Variants in HMGA2 observed in about 807,000 individuals in gnomAD.
HMGA2 encodes the protein high mobility group protein HMGI-C.
HMGA2 carries 8 observed loss-of-function variants against 19.1 expected under a neutral mutation model. The ratio of observed to expected loss-of-function variants is 0.42; its 90% confidence interval spans 0.25 to 0.76. HMGA2 has a LOEUF of 0.76. Among genes scored for constraint, HMGA2 ranks in the 30% least tolerant of loss-of-function variants. The pLI is 0.28. For missense variants in HMGA2, 109 were observed against 136.3 expected (o/e 0.80, Z 1.00); for synonymous variants, 60 against 48.8 (o/e 1.23, Z -0.96).
At chr12:65,924,414 G>A (rs1592448710) in intron 3 of HMGA2, among the ~76,000 whole-genome samples, 1 of 151,870 alleles carries the variant, frequency 6.6e-6, no homozygotes, top group Non-Finnish European at 1.5e-5. Flanking sequence ...ATTGTCCTCT[G>A]CCTCTGTGTT....
chr12:65,842,971 G>T, intron 3 of HMGA2: 1 of 853,852 alleles, frequency 1.2e-6, no homozygotes, highest in South Asian at 5.7e-5. Flanking sequence ...TAGTGCTTCT[G>T]GAGGAAAAGA....
intron 3 of HMGA2, among the ~76,000 whole-genome samples, chr12:65,913,004 G>A (rs1874910034): frequency 6.6e-6 from 1 of 152,098 alleles, no homozygotes; most frequent in Non-Finnish European, 1.5e-5. Context: ...CTTCCATTCA[G>A]ATAAAAAATC....
chr12:65,915,200 A>G (rs899877680), intron 3 of HMGA2: 5 of 1,605,972 alleles, frequency 3.1e-6, no homozygotes, highest in Non-Finnish European at 3.4e-6. Flanking sequence ...CATTACATCT[A>G]TGAGCCTTAT....
chr12:65,879,856 T>C (rs1410610806), intron 3 of HMGA2, among the ~76,000 whole-genome samples: 3 of 152,202 alleles, frequency 2.0e-5, no homozygotes, highest in Admixed American at 2.0e-4. Flanking sequence ...GCATAACATA[T>C]CTCCACAGGG....
rs548913753 is a variant in HMGA2, at chr12:65,888,844, T to C, written c.249+50275T>C. The stretch of plus-strand genomic sequence containing the variant: ...TTCCAAAGTGCTGGGATTACAGGTG[T>C]GAGCCACGGCGCCCGGCCCCGTGGT... On this transcript the variant is annotated intron_variant, in intron 3 of 4. Transcript: ENST00000403681. Among the ~76,000 whole-genome samples the C allele has an allele frequency of 8.6e-4, 130 of 151,864 alleles. 1 individual carries two copies. The highest frequency in any genetic ancestry group is 1.5e-3 in the Non-Finnish European group (99 of 67,938).
intron 3 of HMGA2, among the ~76,000 whole-genome samples, chr12:65,923,987 G>T (rs955038175): frequency 2.6e-5 from 4 of 151,980 alleles, no homozygotes; most frequent in Non-Finnish European, 5.9e-5. Flanking sequence ...TCCAGCCTGG[G>T]CAACAAGAGC....
At chr12:65,907,040 G>T (rs1027339320) in intron 3 of HMGA2, among the ~76,000 whole-genome samples, 1 of 152,084 alleles carries the variant, frequency 6.6e-6, no homozygotes, top group Non-Finnish European at 1.5e-5. Context: ...GACTCCAAAG[G>T]TGTATGGGCA....
chr12:65,961,881 C>T (rs1198220566), intron 4 of HMGA2, among the ~76,000 whole-genome samples: 1 of 152,032 alleles, frequency 6.6e-6, no homozygotes, highest in Non-Finnish European at 1.5e-5. Flanking sequence ...CCCTTCACAG[C>T]TGAAGTGTTT....
At chr12:65,917,247 C>A (rs902731828) in intron 3 of HMGA2, among the ~76,000 whole-genome samples, 1 of 152,114 alleles carries the variant, frequency 6.6e-6, no homozygotes. Context: ...TCTGAGGAGT[C>A]CCAGGGCCTA....
At chr12:65,953,472 A>C (rs906413681) in intron 4 of HMGA2, 5 of 152,242 alleles carry the variant, frequency 3.3e-5, no homozygotes, top group African/African-American at 9.6e-5. Context: ...AATGGCATAT[A>C]GAAAGGTAGA....
intron 4 of HMGA2, chr12:65,952,342 T>C (rs1876486384): frequency 6.5e-7 from 1 of 1,530,180 alleles, no homozygotes; most frequent in African/African-American, 1.4e-5. Flanking sequence ...CTACCTTGCA[T>C]CCTGTTTTCT....
At chr12:65,875,325 G>C (rs932714820) in intron 3 of HMGA2, among the ~76,000 whole-genome samples, 2 of 152,168 alleles carry the variant, frequency 1.3e-5, no homozygotes, top group Admixed American at 1.3e-4. Context: ...ACATACACTA[G>C]AGCTTGCAGT....
chr12:65,836,895 A>AT (rs1401883666), intron 2 of HMGA2, among the ~76,000 whole-genome samples: 1 of 152,108 alleles, frequency 6.6e-6, no homozygotes, highest in African/African-American at 2.4e-5. Context: ...TTCCTAAAGT[A>AT]TTTTTTTATG....
intron 4 of HMGA2, chr12:65,953,903 C>T (rs977684441): frequency 4.6e-5 from 7 of 152,198 alleles, no homozygotes; most frequent in Non-Finnish European, 8.8e-5. Context: ...GATGGCTTTC[C>T]CATGAGGCAA....
At chr12:65,885,496 A>G (rs1382381224) in intron 3 of HMGA2, among the ~76,000 whole-genome samples, 1 of 152,122 alleles carries the variant, frequency 6.6e-6, no homozygotes, top group Non-Finnish European at 1.5e-5. Flanking sequence ...GTTCTTTTCC[A>G]TTTGGCAAAC....
chr12:65,931,833 A>G (rs1001646583), intron 3 of HMGA2, among the ~76,000 whole-genome samples: 3 of 152,128 alleles, frequency 2.0e-5, no homozygotes, highest in African/African-American at 7.2e-5. Flanking sequence ...GGATCACTTA[A>G]GCCTAGGAGT....
rs2121251542 is a variant in HMGA2 at position 65,925,334 on chromosome 12, G to A, written c.250-26049G>A. On this transcript the variant is annotated intron_variant, in intron 3 of 4. Coordinates refer to ENST00000403681, the MANE Select transcript of HMGA2 (RefSeq NM_003483.6). Reference sequence around the variant, plus strand: ...ACAATTTCTAATAAGCATTTGGGTGGTCCTGAGCAGGAGGAACTTCTAGTT... The same window carrying A: ...ACAATTTCTAATAAGCATTTGGGTGATCCTGAGCAGGAGGAACTTCTAGTT... 2.0e-5 allele frequency among the ~76,000 whole-genome samples: 3 copies of A among 152,278 alleles called. No homozygotes were observed. In the South Asian group the frequency reaches 6.2e-4, roughly 32 times the overall value.
chr12:65,937,965 A>AGTG (rs919557278), intron 3 of HMGA2, among the ~76,000 whole-genome samples: 1 of 152,148 alleles, frequency 6.6e-6, no homozygotes, highest in Non-Finnish European at 1.5e-5. Context: ...GTTCACAGAA[A>AGTG]GTGACCCTCT....
Position 65,861,070 on chromosome 12 carries a change from T to A in HMGA2, c.249+22501T>A, listed in dbSNP as rs566761990. 2.0e-5 allele frequency among the ~76,000 whole-genome samples: 3 copies of A among 152,264 alleles called. No homozygotes were observed. In the South Asian group the frequency reaches 6.2e-4, roughly 32 times the overall value. The stretch of plus-strand genomic sequence containing the variant: ...AAAAAAACGTGTCTATGATTGATTT[T>A]AAAAAAGATAATTTAGGCCAGGTGT... On this transcript the variant is annotated intron_variant, in intron 3 of 4. Coordinates refer to ENST00000403681, the MANE Select transcript of HMGA2 (RefSeq NM_003483.6).
Sources: gnomAD v4.1 joint callset for allele counts (sites outside exome capture counted in the v4.1 genomes callset) on GRCh38, gnomAD v4.1.1 for gene constraint, MANE v1.5 for transcripts, NCBI Gene and HGNC (gene_info 2026-07-23, HGNC 2026-07-21) for gene names.